The following OMA1 variants were observed in gnomAD, a reference collection of about 807,000 sequenced individuals.
OMA1 encodes the protein metalloendopeptidase OMA1, mitochondrial.
In OMA1, 38 loss-of-function variants were observed where a neutral mutation model predicts 30.9. The observed-to-expected ratio is 1.23, with a 90% CI of 0.95 to 1.61. OMA1 has a LOEUF of 1.61. Ranked by LOEUF, OMA1 falls within the 40% of genes most tolerant of loss-of-function variation. The pLI, the probability that OMA1 is intolerant of heterozygous loss-of-function variation, is 0.00. For missense variants in OMA1, 461 were observed against 349.2 expected (o/e 1.32, Z -2.55); for synonymous variants, 173 against 121.9 (o/e 1.42, Z -2.76).
In OMA1 at chr1:58,498,740, AATAAAATCTCAGAGATGTGTTCATTTTAT is replaced by A. The variant is rs1328755028; in HGVS notation, c.1365+7291_1365+7319del. Among the ~76,000 whole-genome samples the A allele has an allele frequency of 3.9e-5, 6 of 152,198 alleles. No homozygotes were observed. The East Asian group carries it at 9.6e-4, about 24-fold the overall frequency. Reference sequence around the variant, plus strand: ...TACAGTTTCCCTCATTAATGAGTTAAATAAAATCTCAGAGATGTGTTCATTTTATATTTGAATGATTCATGATTTCATCT... The same window carrying A: ...TACAGTTTCCCTCATTAATGAGTTAAATTTGAATGATTCATGATTTCATCT... On this transcript the variant is annotated intron_variant, in intron 8 of 8. Transcript: ENST00000371226.
chr1:58,485,320 A>G (rs973965100), intron 8 of OMA1, among the ~76,000 whole-genome samples: 3 of 148,396 alleles, frequency 2.0e-5, no homozygotes, highest in African/African-American at 7.5e-5. Context: ...TTTGCTCTAC[A>G]TGCTTTTTGT....
chr1:58,492,192 A>G (rs990932894), intron 8 of OMA1, among the ~76,000 whole-genome samples: 1 of 152,254 alleles, frequency 6.6e-6, no homozygotes, highest in African/African-American at 2.4e-5. Context: ...TGAAGGCAGA[A>G]ATAAAGATGT....
chr1:58,505,409 T>G (rs936947299), intron 8 of OMA1, among the ~76,000 whole-genome samples: 10 of 152,094 alleles, frequency 6.6e-5, no homozygotes, highest in African/African-American at 2.2e-4. Context: ...AACATCCATT[T>G]TGTCCTGATA....
At chr1:58,538,045 TAAGTTACAAATAG>T (rs1434116790) in intron 2 of OMA1, among the ~76,000 whole-genome samples, 1 of 152,128 alleles carries the variant, frequency 6.6e-6, no homozygotes, top group Non-Finnish European at 1.5e-5. Context: ...AAAAACACAA[TAAGTTACAAATAG>T]AAGTTCTTGG....
chr1:58,525,116 T>A (rs1646329328), intron 7 of OMA1, among the ~76,000 whole-genome samples: 1 of 152,188 alleles, frequency 6.6e-6, no homozygotes. Flanking sequence ...TAGGCACACG[T>A]TTTGATAAAT....
intron 8 of OMA1, among the ~76,000 whole-genome samples, chr1:58,499,314 CAAAAAAAAAAAA>C (rs58217798): frequency 1.3e-4 from 9 of 69,738 alleles, no homozygotes; most frequent in African/African-American, 3.9e-4. Context: ...CACATCTCTA[CAAAAAAAAAAAA>C]AAAAAAAAAA....
chr1:58,493,303 CA>C (rs1202335483), intron 8 of OMA1, among the ~76,000 whole-genome samples: 2 of 152,124 alleles, frequency 1.3e-5, no homozygotes, highest in African/African-American at 2.4e-5. Flanking sequence ...AACTCACAGC[CA>C]ATATCATACT....
intron 7 of OMA1, among the ~76,000 whole-genome samples, chr1:58,507,239 G>A (rs1049086082): frequency 7.9e-5 from 12 of 151,634 alleles, no homozygotes; most frequent in African/African-American, 2.9e-4. Flanking sequence ...AAAACAAGTG[G>A]TTATATTTCC....
intron 8 of OMA1, 104 bp from the exon 9 acceptor site, chr1:58,481,278 T>A (rs1645478052): frequency 4.6e-6 from 2 of 431,326 alleles, no homozygotes; most frequent in Non-Finnish European, 8.0e-6. Flanking sequence ...AAGAATGTAT[T>A]GTTATTTTTT....
intron 6 of OMA1, among the ~76,000 whole-genome samples, chr1:58,529,871 G>A (rs1295252765): frequency 6.6e-6 from 1 of 151,954 alleles, no homozygotes; most frequent in Admixed American, 6.6e-5. Context: ...CAAACACCAT[G>A]CTTTTATTTT....
At chr1:58,512,819 A>G (rs1055590956) in intron 7 of OMA1, among the ~76,000 whole-genome samples, 10 of 152,200 alleles carry the variant, frequency 6.6e-5, no homozygotes, top group Non-Finnish European at 1.5e-4. Context: ...AGATCTAGAG[A>G]TCTGATATAC....
At chr1:58,486,360 C>T (rs564940315) in intron 8 of OMA1, among the ~76,000 whole-genome samples, 2 of 152,160 alleles carry the variant, frequency 1.3e-5, no homozygotes, top group Non-Finnish European at 2.9e-5. Context: ...ACTCCTAAGA[C>T]CACTGTTATC....
At chr1:58,506,275 T>G (rs778340237) in intron 7 of OMA1, 66 bp from the exon 8 acceptor site, 2 of 731,782 alleles carry the variant, frequency 2.7e-6, no homozygotes, top group Admixed American at 4.9e-5. Flanking sequence ...AAACTACTAC[T>G]TTATTTTTTT....
chr1:58,530,803 C>T, intron 5 of OMA1, 74 bp from the exon 6 acceptor site: 1 of 777,752 alleles, frequency 1.3e-6, no homozygotes, highest in Non-Finnish European at 2.2e-6. Context: ...TCTAGTTCAT[C>T]ATGTGTTACA....
chr1:58,540,024 G>C (rs1342751662), intron 1 of OMA1, among the ~76,000 whole-genome samples: 1 of 152,072 alleles, frequency 6.6e-6, no homozygotes, highest in Non-Finnish European at 1.5e-5. Flanking sequence ...AAATTCCCTG[G>C]AGCTGGGAAA....
At chr1:58,518,180 C>A (rs1376801623) in intron 7 of OMA1, among the ~76,000 whole-genome samples, 5 of 108,978 alleles carry the variant, frequency 4.6e-5, no homozygotes, top group African/African-American at 1.7e-4. Flanking sequence ...AAGTGAAATT[C>A]TGTCAGAAAG....
chr1:58,506,675 T>G (rs546932366), intron 7 of OMA1, among the ~76,000 whole-genome samples: 1 of 152,188 alleles, frequency 6.6e-6, no homozygotes, highest in Non-Finnish European at 1.5e-5. Context: ...TTAAAAATTC[T>G]GTTTTCATAA....
rs904236855 is a variant in OMA1, at chr1:58,483,070, G to A, written c.1366-1896C>T. Among the ~76,000 whole-genome samples the A allele has an allele frequency of 2.6e-5, 4 of 152,246 alleles. No homozygotes were observed. In the East Asian group the frequency reaches 7.7e-4, roughly 29 times the overall value. On this transcript the variant is annotated intron_variant, in intron 8 of 8. Coordinates refer to ENST00000371226, the MANE Select transcript of OMA1 (RefSeq NM_145243.5). Reference sequence around the variant, plus strand: ...GAAGAATACACATTCGAAATTACCTGGAAGTCCAGGTACAAAACTAGAATT... The same window carrying A: ...GAAGAATACACATTCGAAATTACCTAGAAGTCCAGGTACAAAACTAGAATT...
intron 7 of OMA1, among the ~76,000 whole-genome samples, chr1:58,526,137 G>C (rs916763384): frequency 6.6e-6 from 1 of 152,034 alleles, no homozygotes; most frequent in Non-Finnish European, 1.5e-5. Context: ...TTAACATATA[G>C]GGAAAATCTG....
Sources: gnomAD v4.1 joint callset for allele counts (sites outside exome capture counted in the v4.1 genomes callset) on GRCh38, gnomAD v4.1.1 for gene constraint, MANE v1.5 for transcripts, NCBI Gene and HGNC (gene_info 2026-07-23, HGNC 2026-07-21) for gene names.